The following TNRC6B variants were observed in gnomAD, a reference collection of about 807,000 sequenced individuals.
TNRC6B encodes the protein trinucleotide repeat containing adaptor 6B, also known as trinucleotide repeat-containing gene 6B protein.
In TNRC6B, 52 loss-of-function variants were observed where a neutral mutation model predicts 203.6. The observed-to-expected ratio is 0.26, with a 90% confidence interval of 0.20 to 0.32. The LOEUF (loss-of-function observed/expected upper bound fraction) is 0.32, where lower values mean the gene tolerates loss of function less well. TNRC6B is among the 10% of genes least tolerant of loss of function. The pLI is 1.00. For synonymous variants in TNRC6B, 838 were observed against 845.7 expected (o/e 0.99, Z 0.16); for missense variants, 1,923 against 2,286.2 (o/e 0.84, Z 3.24).
At chr22:40,293,491 C>A (rs1914072842) in intron 12 of TNRC6B, among the ~76,000 whole-genome samples, 1 of 151,914 alleles carries the variant, frequency 6.6e-6, no homozygotes, top group Non-Finnish European at 1.5e-5. Flanking sequence ...CCGTGCCTGG[C>A]CTGCTATAAT....
At chr22:40,273,673 T>G in intron 7 of TNRC6B, 73 bp downstream of exon 7, 1 of 1,450,650 alleles carries the variant, frequency 6.9e-7, no homozygotes, top group East Asian at 2.5e-5. Flanking sequence ...GTTTTGTTTG[T>G]TTTTGTTTTG....
chr22:40,268,708 G>A (rs1370152312), intron 5 of TNRC6B, among the ~76,000 whole-genome samples: 3 of 151,842 alleles, frequency 2.0e-5, no homozygotes, highest in East Asian at 2.0e-4. Context: ...TCAGGAGATC[G>A]AGACCATCTT....
At chr22:40,102,057 A>G (rs139475144) in intron 1 of TNRC6B, among the ~76,000 whole-genome samples, 88 of 152,370 alleles carry the variant, frequency 5.8e-4, no homozygotes, top group East Asian at 4.2e-3. Context: ...CTGAAGTACT[A>G]TGGTACATTT....
chr22:40,080,094 CTTTT>C (rs772109662), intron 1 of TNRC6B, among the ~76,000 whole-genome samples: 4 of 113,770 alleles, frequency 3.5e-5, no homozygotes, highest in Non-Finnish European at 7.1e-5. Flanking sequence ...CGTGCCTGGC[CTTTT>C]TTTTTTTTTT....
intron 19 of TNRC6B, 99 bp from the exon 20 acceptor site, chr22:40,315,184 G>A (rs2071241320): frequency 1.2e-6 from 1 of 855,234 alleles, no homozygotes; most frequent in South Asian, 1.7e-5. Context: ...GAATATAAAT[G>A]TGCATGTATT....
chr22:40,302,714 G>A (rs189783068), intron 15 of TNRC6B, among the ~76,000 whole-genome samples: 234 of 152,050 alleles, frequency 1.5e-3, no homozygotes, highest in African/African-American at 5.4e-3. Context: ...AAATGGCAGC[G>A]GCTGACTGTG....
chr22:40,102,154 A>G (rs2068246225), intron 1 of TNRC6B, among the ~76,000 whole-genome samples: 1 of 152,206 alleles, frequency 6.6e-6, no homozygotes, highest in African/African-American at 2.4e-5. Context: ...ATTTTTTTAA[A>G]AAAACATTAT....
At chr22:40,138,285 A>C (rs893867275) in intron 3 of TNRC6B, among the ~76,000 whole-genome samples, 7 of 152,188 alleles carry the variant, frequency 4.6e-5, no homozygotes, top group African/African-American at 1.7e-4. Context: ...TATTTTTTTG[A>C]GACGGAGTCT....
intron 15 of TNRC6B, among the ~76,000 whole-genome samples, chr22:40,303,514 AC>A (rs2071052424): frequency 6.6e-6 from 1 of 152,182 alleles, no homozygotes; most frequent in African/African-American, 2.4e-5. Context: ...ATATTTGTTA[AC>A]TTATTAAATA....
chr22:40,113,488 G>A (rs1468878727), intron 1 of TNRC6B, among the ~76,000 whole-genome samples: 1 of 152,110 alleles, frequency 6.6e-6, no homozygotes, highest in African/African-American at 2.4e-5. Flanking sequence ...CTGAGTAGGT[G>A]GGACTACAGG....
At chr22:40,156,710 A>G (rs923020034) in intron 4 of TNRC6B, among the ~76,000 whole-genome samples, 2 of 151,212 alleles carry the variant, frequency 1.3e-5, no homozygotes, top group African/African-American at 4.9e-5. Flanking sequence ...CAAATAATTC[A>G]GGATCTCTCC....
At chr22:40,237,628 A>G (rs983823000) in intron 1 of TNRC6B, among the ~76,000 whole-genome samples, 1 of 152,028 alleles carries the variant, frequency 6.6e-6, no homozygotes, top group Non-Finnish European at 1.5e-5. Context: ...GGGGGTAGCC[A>G]TCTCCCTTCC....
At chr22:40,305,652 G>C (rs2071079457) in intron 15 of TNRC6B, among the ~76,000 whole-genome samples, 1 of 152,046 alleles carries the variant, frequency 6.6e-6, no homozygotes. Flanking sequence ...GGGGTTTGTA[G>C]ATTGAACCTT....
At chr22:40,104,462 A>G (rs139733497) in intron 1 of TNRC6B, among the ~76,000 whole-genome samples, 86 of 152,274 alleles carry the variant, frequency 5.6e-4, no homozygotes, top group Non-Finnish European at 9.4e-4. Context: ...CCAAAGGACT[A>G]CTTCTGTATG....
intron 1 of TNRC6B, among the ~76,000 whole-genome samples, chr22:40,083,818 G>A (rs1322274677): frequency 6.6e-6 from 1 of 152,164 alleles, no homozygotes; most frequent in African/African-American, 2.4e-5. Context: ...TGAGATAGCA[G>A]ATCGTTGTAT....
chr22:40,272,269 C>G (rs1404926406), intron 6 of TNRC6B, among the ~76,000 whole-genome samples: 1 of 152,162 alleles, frequency 6.6e-6, no homozygotes, highest in Non-Finnish European at 1.5e-5. Flanking sequence ...TACAATGAAC[C>G]CCACTGGGAG....
At chr22:40,305,848 TTC>T (rs1019636754) in intron 15 of TNRC6B, among the ~76,000 whole-genome samples, 1 of 152,142 alleles carries the variant, frequency 6.6e-6, no homozygotes, top group Admixed American at 6.5e-5. Flanking sequence ...TTCTTTCTCT[TTC>T]TCTTTCTTTC....
chr22:40,316,901 T>A (rs2146571992), intron 21 of TNRC6B, among the ~76,000 whole-genome samples: 1 of 152,252 alleles, frequency 6.6e-6, no homozygotes, highest in East Asian at 1.9e-4. Flanking sequence ...TTTCTGCAGA[T>A]CTTACGGGGC....
intron 1 of TNRC6B, among the ~76,000 whole-genome samples, chr22:40,223,600 G>T (rs893781884): frequency 1.3e-5 from 2 of 152,172 alleles, no homozygotes; most frequent in Admixed American, 1.3e-4. Context: ...AGTACAAAAA[G>T]AACTGCTTGT....
Sources: gnomAD v4.1 joint callset for allele counts (sites outside exome capture counted in the v4.1 genomes callset) on GRCh38, gnomAD v4.1.1 for gene constraint, MANE v1.5 for transcripts, NCBI Gene and HGNC (gene_info 2026-07-23, HGNC 2026-07-21) for gene names.